NFIB: variants seen among roughly 807,000 people sequenced by gnomAD.
NFIB encodes the protein nuclear factor I B.
In NFIB, 11 loss-of-function variants were observed where a neutral mutation model predicts 61.5. The observed-to-expected ratio is 0.18, with a 90% confidence interval of 0.11 to 0.30. The LOEUF is 0.30. NFIB is among the 10% of genes least tolerant of loss of function. NFIB has a pLI of 1.00. For missense variants in NFIB, 471 were observed against 608.9 expected, an observed-to-expected ratio of 0.77 and a Z score of 2.38; for synonymous variants, 260 against 216.5, an observed-to-expected ratio of 1.20 and a Z score of -1.76.
chr9:14,462,537 C>T, the NFIB span, among the ~76,000 whole-genome samples: 1 of 152,132 alleles, frequency 6.6e-6, no homozygotes, highest in Non-Finnish European at 1.5e-5. Flanking sequence ...CCGCCTCGGC[C>T]TCCCAAAGTG....
the NFIB span, among the ~76,000 whole-genome samples, chr9:14,486,672 G>A: frequency 1.3e-5 from 2 of 150,810 alleles, no homozygotes; most frequent in African/African-American, 4.9e-5. Flanking sequence ...ACAATAGCAG[G>A]TGTGTAGTAT....
rs142651685 is a variant in NFIB at position 14,115,218 on chromosome 9, G to C, written c.1384+990C>G. Among the ~76,000 whole-genome samples, 658 of 151,980 alleles carry C rather than the reference G, an allele frequency of 4.3e-3. 1 individual carries two copies. Among genetic ancestry groups the C allele is most frequent in the Non-Finnish European group, 7.2e-3 (492 of 67,980 alleles). On this transcript the variant is annotated intron_variant, in intron 9 of 10. Coordinates refer to ENST00000380953, the MANE Select transcript of NFIB (RefSeq NM_001190737.2). ...CTTTCCAATGGCTGAGAAAGAATGAGTGGTGCATGCCTCTGATTGTCTCTG... is the reference window on the plus strand; with the variant it reads ...CTTTCCAATGGCTGAGAAAGAATGACTGGTGCATGCCTCTGATTGTCTCTG...
chr9:14,133,804 C>G (rs951147101), intron 6 of NFIB, among the ~76,000 whole-genome samples: 2 of 152,162 alleles, frequency 1.3e-5, no homozygotes, highest in Non-Finnish European at 2.9e-5. Flanking sequence ...CAGTCCAAAG[C>G]TTTGAGGTAT....
the NFIB span, among the ~76,000 whole-genome samples, chr9:14,528,419 T>C: frequency 0.013 from 2,012 of 152,268 alleles, 39 homozygotes; most frequent in African/African-American, 0.045. Context: ...AGCAGACTGA[T>C]TGGTGTTCAA....
intron 2 of NFIB, among the ~76,000 whole-genome samples, chr9:14,182,474 G>T (rs937177874): frequency 6.6e-6 from 1 of 151,880 alleles, no homozygotes; most frequent in East Asian, 1.9e-4. Context: ...ACCTTATATC[G>T]GTCACTTAAT....
At chr9:14,323,483 A>C (rs186994635) in intron 1 of NFIB, among the ~76,000 whole-genome samples, 1 of 152,336 alleles carries the variant, frequency 6.6e-6, no homozygotes, top group East Asian at 1.9e-4. Context: ...ATTAAAAGTA[A>C]AAATATAACA....
chr9:14,120,479 A>G lies in NFIB; in HGVS notation c.1206T>C (p.Tyr402=), dbSNP rs748540230. 5 of 1,614,132 alleles carry G rather than the reference A, an allele frequency of 3.1e-6. No homozygotes were observed. Reference sequence around the variant, plus strand: ...GACTGGATGGGTCATAAGAAGGTACATAGTTCTTCAGAGTATCCTGAGGAT... The same window carrying G: ...GACTGGATGGGTCATAAGAAGGTACGTAGTTCTTCAGAGTATCCTGAGGAT... The part of the protein sequence containing the change: ...HLNPQDTLKN[Y]VPSYDPSSPQ... The change falls in exon 8 of 11, where the codon TAT becomes TAC. Residue 402 remains tyrosine, a synonymous_variant. Transcript: ENST00000380953. The surrounding 1 kb of genome is among the most constrained non-coding windows in gnomAD (Gnocchi z 4.4).
the NFIB span, among the ~76,000 whole-genome samples, chr9:14,503,796 C>A: frequency 6.6e-6 from 1 of 152,128 alleles, no homozygotes; most frequent in East Asian, 1.9e-4. Context: ...CTGACTATTT[C>A]TTTCGCTGTG....
At chr9:14,202,133 C>CAT (rs2131635271) in intron 2 of NFIB, among the ~76,000 whole-genome samples, 1 of 141,748 alleles carries the variant, frequency 7.1e-6, no homozygotes, top group East Asian at 2.0e-4. Flanking sequence ...ACTTTTCACA[C>CAT]ACACACACAC....
chr9:14,288,122 T>C (rs755663660), intron 2 of NFIB, among the ~76,000 whole-genome samples: 11 of 152,074 alleles, frequency 7.2e-5, no homozygotes, highest in Non-Finnish European at 1.6e-4. Context: ...TCTTCTCAAT[T>C]CCAAAATATC....
At chr9:14,322,539 A>C (rs1455764510) in intron 1 of NFIB, among the ~76,000 whole-genome samples, 1 of 151,978 alleles carries the variant, frequency 6.6e-6, no homozygotes, top group East Asian at 1.9e-4. Flanking sequence ...CTCCTCCTGC[A>C]GTCGCCTCCC....
At chr9:14,470,703 G>T in the NFIB span, among the ~76,000 whole-genome samples, 12 of 152,172 alleles carry the variant, frequency 7.9e-5, no homozygotes, top group Non-Finnish European at 1.6e-4. Context: ...CATGTCCACA[G>T]CAATTACATT....
At chr9:14,408,566 T>C in the NFIB span, among the ~76,000 whole-genome samples, 4 of 152,208 alleles carry the variant, frequency 2.6e-5, no homozygotes, top group African/African-American at 9.6e-5. Flanking sequence ...CTGGATGTGA[T>C]TACATGATGC....
chr9:14,472,894 C>T, the NFIB span, among the ~76,000 whole-genome samples: 2 of 151,858 alleles, frequency 1.3e-5, no homozygotes, highest in Non-Finnish European at 2.9e-5. Flanking sequence ...TTGAAAATAA[C>T]AACCAAACCA....
At chr9:14,224,418 G>A (rs2052096620) in intron 2 of NFIB, among the ~76,000 whole-genome samples, 1 of 152,222 alleles carries the variant, frequency 6.6e-6, no homozygotes, top group South Asian at 2.1e-4. Context: ...GAGGATCACA[G>A]TTGGATGTTC....
rs548996304 is a variant in NFIB, at chr9:14,376,644, G to A, written c.108+21880C>T. On this transcript the variant is annotated intron_variant, in intron 1 of 8. Transcript: ENST00000380934. The stretch of plus-strand genomic sequence containing the variant: ...TGATTCTCCTCCGTCAACCTCCCCA[G>A]TAGCTGGGATTACAGATGGAAGCTA... Among the ~76,000 whole-genome samples, 80 of 151,742 alleles carry A rather than the reference G, an allele frequency of 5.3e-4. 1 individual carries two copies. The highest frequency in any genetic ancestry group is 1.2e-4 in the Non-Finnish European group (8 of 67,964).
At chr9:14,488,251 T>G in the NFIB span, among the ~76,000 whole-genome samples, 1 of 151,710 alleles carries the variant, frequency 6.6e-6, no homozygotes, top group Admixed American at 6.6e-5. Flanking sequence ...TAGTCCCAAC[T>G]ACTCAAGGGG....
chr9:14,445,471 C>T, the NFIB span, among the ~76,000 whole-genome samples: 2 of 152,068 alleles, frequency 1.3e-5, no homozygotes, highest in African/African-American at 4.8e-5. Flanking sequence ...AAGTTACCTC[C>T]TATTGCCAGT....
the NFIB span, among the ~76,000 whole-genome samples, chr9:14,514,419 G>A: frequency 2.6e-5 from 4 of 152,150 alleles, no homozygotes; most frequent in South Asian, 8.3e-4. Flanking sequence ...GAAAACAAGA[G>A]CAAGATGTTA....
Sources: allele counts gnomAD v4.1 joint callset (sites outside exome capture counted in the v4.1 genomes callset), GRCh38; gene constraint gnomAD v4.1.1; non-coding constraint Gnocchi (gnomAD v3.1); transcripts MANE v1.5; gene names NCBI Gene and HGNC (gene_info 2026-07-23, HGNC 2026-07-21).